JAK2: variants seen among roughly 807,000 people sequenced by gnomAD.
JAK2 encodes the protein tyrosine-protein kinase JAK2.
In JAK2, 86 loss-of-function variants were observed where a neutral mutation model predicts 139.3. That is an observed-to-expected ratio of 0.62 (90% CI 0.52 to 0.74). The LOEUF is 0.74. Among genes scored for constraint, JAK2 ranks in the 30% least tolerant of loss-of-function variants. JAK2 has a pLI of 0.00. For synonymous variants in JAK2, 490 were observed against 437.7 expected (o/e 1.12, Z -1.49); for missense variants, 1,421 against 1,360.3 (o/e 1.04, Z -0.70).
intron 1 of JAK2, 143 bp from the exon 2 acceptor site, chr9:4,985,797 T>C (rs1350498974): frequency 1.3e-5 from 2 of 152,532 alleles, no homozygotes; most frequent in African/African-American, 4.8e-5. Context: ...TGGTGATATT[T>C]GCTTCCATTT....
chr9:5,067,545 G>T (rs1472544803), intron 10 of JAK2, among the ~76,000 whole-genome samples: 1 of 151,858 alleles, frequency 6.6e-6, no homozygotes, highest in Admixed American at 6.6e-5. Flanking sequence ...CAGAAGGGAG[G>T]TTATGCCATC....
intron 19 of JAK2, chr9:5,085,264 T>G (rs1819996058): frequency 1.5e-6 from 1 of 686,710 alleles, no homozygotes; most frequent in African/African-American, 1.8e-5. Flanking sequence ...GAGATTCACA[T>G]CAGCTGATGT....
At chr9:5,061,266 C>G (rs1818153271) in intron 8 of JAK2, among the ~76,000 whole-genome samples, 2 of 152,220 alleles carry the variant, frequency 1.3e-5, no homozygotes, top group South Asian at 4.1e-4. Context: ...TCAGCCTATC[C>G]TTTGAAGTTT....
In JAK2 at chr9:5,127,386, G is replaced by A. The variant is rs945640849; in HGVS notation, c.*595G>A. 4.3e-6 allele frequency: 1 copy of A among 231,788 alleles called. No individual in the cohort carries two copies. Among genetic ancestry groups the A allele is most frequent in the African/African-American group, 2.2e-5 (1 of 45,230 alleles). The allele number at this position is 231,788 out of a possible 1,614,324, so 14.4% of individuals were successfully genotyped here. A position where few individuals can be genotyped will look rare whatever the true frequency, so the allele number is the denominator to read the frequency against. On this transcript the variant is annotated 3_prime_UTR_variant, in exon 25 of 25. Transcript: ENST00000381652. Reference sequence around the variant, plus strand: ...CATTATAAGCAGGTGTATACTTTTAGCTTGTAGTTCCATGTACTGTAAATA... The same window carrying A: ...CATTATAAGCAGGTGTATACTTTTAACTTGTAGTTCCATGTACTGTAAATA...
intron 13 of JAK2, among the ~76,000 whole-genome samples, chr9:5,072,933 C>T (rs1382127909): frequency 2.0e-5 from 3 of 151,864 alleles, no homozygotes; most frequent in African/African-American, 7.3e-5. Flanking sequence ...CACAGAGGCT[C>T]CTCTACAATT....
rs1048971832 is a variant in JAK2, at chr9:5,121,155, A to G, written c.3060-1849A>G. ...GTATAATTGAAAACAAAATCTTCCAACCCAGAAAACCTTTCCACAAAGATA... is the reference window on the plus strand; with the variant it reads ...GTATAATTGAAAACAAAATCTTCCAGCCCAGAAAACCTTTCCACAAAGATA... On this transcript the variant is annotated intron_variant, in intron 22 of 24. Transcript: ENST00000381652. Among the ~76,000 whole-genome samples, 11 of 152,270 alleles carry G rather than the reference A, an allele frequency of 7.2e-5. No homozygotes were observed. The East Asian group carries it at 1.9e-3, about 27-fold the overall frequency.
chr9:5,086,230 C>A, intron 19 of JAK2: 1 of 609,946 alleles, frequency 1.6e-6, no homozygotes, highest in Non-Finnish European at 2.1e-6. Context: ...CGGTCGGAGT[C>A]TGAAAGTCGC....
At chr9:5,042,240 C>T (rs956072640) in intron 4 of JAK2, among the ~76,000 whole-genome samples, 1 of 151,476 alleles carries the variant, frequency 6.6e-6, no homozygotes, top group Non-Finnish European at 1.5e-5. Flanking sequence ...CGGGTTCCCG[C>T]CATTCTCCTG....
At chr9:5,036,216 G>T (rs1256251921) in intron 4 of JAK2, among the ~76,000 whole-genome samples, 4 of 152,082 alleles carry the variant, frequency 2.6e-5, no homozygotes, top group Non-Finnish European at 5.9e-5. Context: ...ACTGCTCAAT[G>T]AAGTAAAAGA....
intron 22 of JAK2, among the ~76,000 whole-genome samples, chr9:5,101,327 G>A (rs970301935): frequency 2.5e-4 from 38 of 152,246 alleles, no homozygotes; most frequent in Middle Eastern, 3.2e-3. Flanking sequence ...CCTGGCAGGC[G>A]GAGGGGCGTC....
chr9:5,022,459 C>T (rs1313588516), intron 3 of JAK2, among the ~76,000 whole-genome samples: 1 of 152,058 alleles, frequency 6.6e-6, no homozygotes, highest in Non-Finnish European at 1.5e-5. Flanking sequence ...TTTATAATTA[C>T]ATATAAGGTG....
intron 22 of JAK2, among the ~76,000 whole-genome samples, chr9:5,106,614 G>A (rs1385662431): frequency 2.0e-5 from 3 of 152,106 alleles, no homozygotes; most frequent in Non-Finnish European, 4.4e-5. Context: ...TGTTTACTGT[G>A]GCACTATTCA....
chr9:5,108,241 T>C (rs1040050863), intron 22 of JAK2: 3 of 152,146 alleles, frequency 2.0e-5, no homozygotes, highest in African/African-American at 4.8e-5. Flanking sequence ...TTTAAAATTA[T>C]AGCATTCACA....
chr9:5,043,064 G>T (rs1428369252), intron 4 of JAK2, among the ~76,000 whole-genome samples: 1 of 152,202 alleles, frequency 6.6e-6, no homozygotes, highest in Admixed American at 6.5e-5. Context: ...GTGGCTTCCT[G>T]TCTCTGTGCT....
intron 22 of JAK2, among the ~76,000 whole-genome samples, chr9:5,121,143 C>A (rs1306871592): frequency 2.0e-5 from 3 of 152,040 alleles, no homozygotes; most frequent in Non-Finnish European, 4.4e-5. Context: ...TAATTGAAAA[C>A]AAAATCTTCC....
intron 12 of JAK2, among the ~76,000 whole-genome samples, chr9:5,071,138 C>T (rs1319600621): frequency 6.6e-6 from 1 of 152,054 alleles, no homozygotes; most frequent in Non-Finnish European, 1.5e-5. Flanking sequence ...CTGAGAAATC[C>T]TAAATTAAAA....
chr9:4,993,674 T>C (rs972790887), intron 2 of JAK2, among the ~76,000 whole-genome samples: 7 of 152,206 alleles, frequency 4.6e-5, no homozygotes, highest in Non-Finnish European at 8.8e-5. Context: ...TGAGGGCTCT[T>C]AGGCTCCCAT....
chr9:5,070,509 GC>G (rs1252562754), intron 12 of JAK2, among the ~76,000 whole-genome samples: 1 of 151,962 alleles, frequency 6.6e-6, no homozygotes, highest in Admixed American at 6.6e-5. Flanking sequence ...TGAAAAGTTG[GC>G]CCTCTATATA....
chr9:4,997,822 A>G (rs1273267748), intron 2 of JAK2, among the ~76,000 whole-genome samples: 2 of 152,166 alleles, frequency 1.3e-5, no homozygotes, highest in African/African-American at 2.4e-5. Flanking sequence ...GTAACTGGAA[A>G]TCCTTCCAAA....
Sources: allele counts gnomAD v4.1 joint callset (sites outside exome capture counted in the v4.1 genomes callset), GRCh38; gene constraint gnomAD v4.1.1; transcripts MANE v1.5; gene names NCBI Gene and HGNC (gene_info 2026-07-23, HGNC 2026-07-21).